NCOA1: variants seen among roughly 807,000 people sequenced by gnomAD.
The protein encoded by NCOA1 is Hin-2 protein.
A neutral mutation model predicts 150.9 loss-of-function variants in NCOA1; 35 were observed. That is an observed-to-expected ratio of 0.23 (90% CI 0.18 to 0.31). The LOEUF (loss-of-function observed/expected upper bound fraction) is 0.31. NCOA1 is among the 10% of genes least tolerant of loss of function. NCOA1 has a pLI of 1.00. For missense variants in NCOA1, 1,491 were observed against 1,749.3 expected, an observed-to-expected ratio of 0.85 and a Z score of 2.63; for synonymous variants, 590 against 630.0, an observed-to-expected ratio of 0.94 and a Z score of 0.95.
At chr2:24,538,493 TG>T (rs1288183885) in intron 1 of NCOA1, among the ~76,000 whole-genome samples, 1 of 152,258 alleles carries the variant, frequency 6.6e-6, no homozygotes, top group Non-Finnish European at 1.5e-5. Flanking sequence ...GCTCTGAGTT[TG>T]AGCAGGTCAA....
chr2:24,561,646 A>G lies in NCOA1; in HGVS notation c.-395-2649A>G, dbSNP rs1666297206. On this transcript the variant is annotated intron_variant, in intron 1 of 22. Transcript: ENST00000348332. The stretch of plus-strand genomic sequence containing the variant: ...GTATGGATGTTCACTCAAAGTAGAA[A>G]GGAGCACTTTGTATAGATAAAAACT... 2.0e-5 allele frequency among the ~76,000 whole-genome samples: 3 copies of G among 152,204 alleles called. No individual in the cohort carries two copies. The South Asian group carries it at 6.2e-4, about 31-fold the overall frequency.
intron 1 of NCOA1, among the ~76,000 whole-genome samples, chr2:24,505,662 AT>A (rs1663663273): frequency 6.6e-6 from 1 of 151,762 alleles, no homozygotes; most frequent in Non-Finnish European, 1.5e-5. Context: ...ATTCTTTTTA[AT>A]TTTTTTAGGT....
At chr2:24,681,240 T>G (rs1672149285) in intron 7 of NCOA1, among the ~76,000 whole-genome samples, 1 of 152,132 alleles carries the variant, frequency 6.6e-6, no homozygotes, top group Admixed American at 6.5e-5. Flanking sequence ...GGCACATGCC[T>G]GTAATCCCAG....
intron 2 of NCOA1, among the ~76,000 whole-genome samples, chr2:24,573,797 A>G (rs1275864277): frequency 6.6e-6 from 1 of 152,086 alleles, no homozygotes; most frequent in Non-Finnish European, 1.5e-5. Context: ...AATTGCTTAA[A>G]TAAATACCGG....
At chr2:24,505,769 G>A (rs150923474) in intron 1 of NCOA1, among the ~76,000 whole-genome samples, 1 of 152,284 alleles carries the variant, frequency 6.6e-6, no homozygotes, top group East Asian at 1.9e-4. Context: ...GTTGCTGCCG[G>A]ATGGCCGTGT....
chr2:24,660,847 G>A (rs747036193), intron 5 of NCOA1, among the ~76,000 whole-genome samples: 21 of 151,838 alleles, frequency 1.4e-4, no homozygotes, highest in Non-Finnish European at 2.6e-4. Flanking sequence ...ATCACCTGAG[G>A]TCATAAGTTT....
At chr2:24,741,381 G>A (rs1248568853) in intron 18 of NCOA1, among the ~76,000 whole-genome samples, 1 of 152,120 alleles carries the variant, frequency 6.6e-6, no homozygotes, top group Non-Finnish European at 1.5e-5. Flanking sequence ...TGAAGGATAG[G>A]ACAGAAGTCA....
intron 3 of NCOA1, among the ~76,000 whole-genome samples, chr2:24,598,485 G>C (rs764572838): frequency 6.6e-6 from 1 of 152,074 alleles, no homozygotes; most frequent in Non-Finnish European, 1.5e-5. Flanking sequence ...TCAGAATTTA[G>C]GAAAGTATTC....
At chr2:24,683,240 T>C in intron 8 of NCOA1, 112 bp downstream of exon 8, 2 of 615,966 alleles carry the variant, frequency 3.2e-6, no homozygotes, top group Non-Finnish European at 4.6e-6. Flanking sequence ...ATATATGTTA[T>C]AATATGTGTT....
intron 1 of NCOA1, among the ~76,000 whole-genome samples, chr2:24,558,045 T>C (rs1443122222): frequency 3.3e-5 from 5 of 151,108 alleles, no homozygotes; most frequent in African/African-American, 1.2e-4. Context: ...GGCCATGATC[T>C]CTTCCATATT....
At chr2:24,753,460 C>T (rs1020728350) in intron 20 of NCOA1, among the ~76,000 whole-genome samples, 2 of 152,226 alleles carry the variant, frequency 1.3e-5, no homozygotes, top group East Asian at 1.9e-4. Context: ...ATACTCTATC[C>T]ACTTCCCCTA....
chr2:24,552,940 A>G (rs1275763555), intron 1 of NCOA1, among the ~76,000 whole-genome samples: 1 of 152,132 alleles, frequency 6.6e-6, no homozygotes, highest in African/African-American at 2.4e-5. Flanking sequence ...GTGGAAAAAA[A>G]CAGTTTTGTT....
chr2:24,711,860 C>G (rs1673764310), intron 14 of NCOA1, among the ~76,000 whole-genome samples: 1 of 152,154 alleles, frequency 6.6e-6, no homozygotes, highest in South Asian at 2.1e-4. Flanking sequence ...ATTGTATGAC[C>G]TTGAAACTAA....
intron 7 of NCOA1, among the ~76,000 whole-genome samples, chr2:24,676,006 A>G (rs183284976): frequency 1.2e-4 from 18 of 152,304 alleles, no homozygotes; most frequent in African/African-American, 3.8e-4. Flanking sequence ...TTCTCTTTCA[A>G]TACATCCTGC....
chr2:24,522,060 C>G (rs1369004001), intron 1 of NCOA1, among the ~76,000 whole-genome samples: 1 of 152,080 alleles, frequency 6.6e-6, no homozygotes, highest in East Asian at 1.9e-4. Flanking sequence ...TTGCCTCTCC[C>G]CAATGGAATG....
At chr2:24,557,397 G>T (rs895502354) in intron 1 of NCOA1, among the ~76,000 whole-genome samples, 2 of 151,810 alleles carry the variant, frequency 1.3e-5, no homozygotes, top group Non-Finnish European at 2.9e-5. Context: ...ATTAATTTTT[G>T]CTTTAGTTGG....
chr2:24,718,516 A>G (rs1674172605), intron 14 of NCOA1, among the ~76,000 whole-genome samples: 1 of 152,120 alleles, frequency 6.6e-6, no homozygotes, highest in African/African-American at 2.4e-5. Context: ...GACTACAAAT[A>G]TCCATACAGT....
At chr2:24,629,118 G>A (rs1413420464) in intron 3 of NCOA1, among the ~76,000 whole-genome samples, 4 of 151,974 alleles carry the variant, frequency 2.6e-5, no homozygotes, top group Non-Finnish European at 4.4e-5. Context: ...TAAAGGAGAA[G>A]GGAGGAATTT....
chr2:24,569,553 T>TA (rs1666652088), intron 2 of NCOA1, among the ~76,000 whole-genome samples: 3 of 12,396 alleles, frequency 2.4e-4, no homozygotes, highest in African/African-American at 3.4e-4. Flanking sequence ...GTTTTATTAA[T>TA]TTTTTTTTTT....
Sources: gnomAD v4.1 joint callset for allele counts (sites outside exome capture counted in the v4.1 genomes callset) on GRCh38, gnomAD v4.1.1 for gene constraint, MANE v1.5 for transcripts, NCBI Gene and HGNC (gene_info 2026-07-23, HGNC 2026-07-21) for gene names.